The following LUZP1 variants were observed in gnomAD, a reference collection of about 807,000 sequenced individuals.
LUZP1 encodes leucine zipper protein 1, also known as filamin mechanobinding actin cross-linking protein.
LUZP1 carries 25 observed loss-of-function variants against 71.3 expected under a neutral mutation model. The ratio of observed to expected loss-of-function variants is 0.35; its 90% CI spans 0.26 to 0.49. The LOEUF is 0.49. Ranked by LOEUF, LUZP1 falls within the 20% of genes least tolerant of loss-of-function variation. The pLI, the probability that LUZP1 is intolerant of heterozygous loss-of-function variation, is 0.99. For missense variants in LUZP1, 1,142 were observed against 1,300.8 expected, an observed-to-expected ratio of 0.88 and a Z score of 1.88; for synonymous variants, 481 against 506.4, an observed-to-expected ratio of 0.95 and a Z score of 0.67.
exon 5 of LUZP1, chr1:23,088,668 A>G (rs530892592): frequency 1.6e-5 from 8 of 491,180 alleles, no homozygotes; most frequent in African/African-American, 1.4e-4. Flanking sequence ...GAGAGAGAGG[A>G]CTCGTGCATT....
At chr1:23,153,107 C>T (rs753482331) in intron 2 of LUZP1, among the ~76,000 whole-genome samples, 2 of 152,126 alleles carry the variant, frequency 1.3e-5, no homozygotes, top group Non-Finnish European at 2.9e-5. Context: ...TTCAATGATT[C>T]CCAAATGTTA....
chr1:23,169,490 A>G (rs1644537993), intron 1 of LUZP1, among the ~76,000 whole-genome samples: 1 of 152,132 alleles, frequency 6.6e-6, no homozygotes, highest in African/African-American at 2.4e-5. Flanking sequence ...CAGAGAAGGA[A>G]CTCAGCTCAG....
chr1:23,102,466 G>A (rs942821649), intron 3 of LUZP1, among the ~76,000 whole-genome samples: 3 of 151,994 alleles, frequency 2.0e-5, no homozygotes, highest in African/African-American at 7.3e-5. Context: ...AAGAGGGGTC[G>A]GCAAACTTTT....
Position 23,146,487 on chromosome 1 carries a change from T to C in LUZP1, c.-226+22279A>G, listed in dbSNP as rs1324358287. On this transcript the variant is annotated intron_variant, in intron 2 of 4. Coordinates refer to ENST00000302291, the Ensembl canonical transcript of LUZP1. The stretch of plus-strand genomic sequence containing the variant: ...TCATGTGTAAAATAGGGATAATACC[T>C]ATCACACAGAATTTAAGAACTAAAT... 2.0e-5 allele frequency among the ~76,000 whole-genome samples: 3 copies of C among 152,164 alleles called. No individual in the cohort carries two copies. In the East Asian group the frequency reaches 5.8e-4, roughly 29 times the overall value.
intron 2 of LUZP1, among the ~76,000 whole-genome samples, chr1:23,129,990 T>C (rs1644201423): frequency 6.6e-6 from 1 of 152,208 alleles, no homozygotes; most frequent in Admixed American, 6.5e-5. Flanking sequence ...TTATCCACAA[T>C]AACTACAGAT....
At chr1:23,165,058 T>G (rs1247128901) in intron 2 of LUZP1, among the ~76,000 whole-genome samples, 2 of 152,242 alleles carry the variant, frequency 1.3e-5, no homozygotes, top group East Asian at 1.9e-4. Flanking sequence ...CCAATAAATG[T>G]CTCTCCTTAT....
Position 23,094,196 on chromosome 1 carries a change from ACT to A in LUZP1, c.64_65del (p.Leu23LysfsTer5). 1 of 1,613,760 alleles carries A rather than the reference ACT, an allele frequency of 6.2e-7. No homozygotes were observed. Among genetic ancestry groups the A allele is most frequent in the Non-Finnish European group, 8.5e-7 (1 of 1,179,956 alleles). On this transcript the variant is annotated frameshift_variant, in exon 4 of 5. Transcript: ENST00000302291. LOFTEE classifies it high-confidence loss of function. The surrounding 1 kb of genome is among the most constrained non-coding windows in gnomAD (Gnocchi z 4.7). ...CCAACTCATCAAGGCGGCGGCTTAG[ACT>A]CTGTAGCTTAAACCGCAAGTGGCGG...
intron 4 of LUZP1, among the ~76,000 whole-genome samples, chr1:23,089,627 C>G (rs1458353326): frequency 1.3e-5 from 2 of 152,016 alleles, no homozygotes; most frequent in Non-Finnish European, 2.9e-5. Flanking sequence ...AAGTCTCGCA[C>G]TGTCTCCCGG....
chr1:23,091,363 T>C (rs1441976947), exon 4 of LUZP1: 1 of 1,614,088 alleles, frequency 6.2e-7, no homozygotes, highest in Non-Finnish European at 8.5e-7. Flanking sequence ...AGGCAGGACC[T>C]GGGCTGTTCG....
At position 23,121,880 on chromosome 1, in the gene LUZP1, C is replaced by T. The variant is rs570249798; in HGVS notation, c.-225-12753G>A. ...TACAAAAATTAACTGGGTGTGGTGGCGCACGCCTGTAATCTCAGTTACTCA... is the reference window on the plus strand; with the variant it reads ...TACAAAAATTAACTGGGTGTGGTGGTGCACGCCTGTAATCTCAGTTACTCA... On this transcript the variant is annotated intron_variant, in intron 2 of 4. Coordinates refer to ENST00000302291, the Ensembl canonical transcript of LUZP1. Among the ~76,000 whole-genome samples the T allele has an allele frequency of 9.9e-5, 15 of 152,194 alleles. No homozygotes were observed. In the South Asian group the frequency reaches 1.9e-3, roughly 19 times the overall value.
downstream of LUZP1, chr1:23,083,950 G>A (rs1643707529): frequency 6.6e-6 from 1 of 151,184 alleles, no homozygotes; most frequent in South Asian, 2.1e-4. Context: ...GTGTGGTGGT[G>A]TGCCAAGAAC....
rs575883667 is a variant in LUZP1, at chr1:23,100,258, G to A, written c.-119-5878C>T. On this transcript the variant is annotated intron_variant, in intron 3 of 4. Transcript: ENST00000302291. Reference sequence around the variant, plus strand: ...CCTCCTAATTATCAAATAGCTTGTCGGCCCTTTGGCAATGACCATTAACAG... The same window carrying A: ...CCTCCTAATTATCAAATAGCTTGTCAGCCCTTTGGCAATGACCATTAACAG... 8.6e-4 allele frequency among the ~76,000 whole-genome samples: 131 copies of A among 152,240 alleles called. 2 individuals carry two copies. The highest frequency in any genetic ancestry group is 7.7e-3 in the Admixed American group (117 of 15,294).
At chr1:23,115,625 C>A (rs1350966856) in intron 2 of LUZP1, among the ~76,000 whole-genome samples, 1 of 152,154 alleles carries the variant, frequency 6.6e-6, no homozygotes, top group Non-Finnish European at 1.5e-5. Flanking sequence ...ACTGCAACCT[C>A]CGCCTCCCGG....
intron 2 of LUZP1, among the ~76,000 whole-genome samples, chr1:23,126,249 C>T (rs11809418): frequency 0.025 from 3,787 of 151,982 alleles, 151 homozygotes; most frequent in African/African-American, 0.085. Context: ...AGTCAGTGCT[C>T]TCTCAACTCA....
At chr1:23,171,047 G>A (rs1644549536) in intron 1 of LUZP1, among the ~76,000 whole-genome samples, 1 of 149,868 alleles carries the variant, frequency 6.7e-6, no homozygotes, top group African/African-American at 2.5e-5. Context: ...CCATGATAAT[G>A]CCACCGCACT....
intron 2 of LUZP1, among the ~76,000 whole-genome samples, chr1:23,152,471 T>C (rs1393700123): frequency 6.6e-6 from 1 of 152,170 alleles, no homozygotes; most frequent in Admixed American, 6.6e-5. Flanking sequence ...AGAGAGGCTA[T>C]GTCTTGTACC....
intron 2 of LUZP1, among the ~76,000 whole-genome samples, chr1:23,122,351 CAA>C (rs1644136839): frequency 6.6e-6 from 1 of 152,216 alleles, no homozygotes; most frequent in African/African-American, 2.4e-5. Context: ...TAGGGTACCA[CAA>C]GTGAACACTC....
chr1:23,159,792 C>G (rs1019190777), intron 2 of LUZP1, among the ~76,000 whole-genome samples: 1 of 152,182 alleles, frequency 6.6e-6, no homozygotes, highest in Admixed American at 6.5e-5. Flanking sequence ...CGAGACCAGC[C>G]TGGCCAACAT....
At chr1:23,083,720 T>TA (rs1436123542), downstream of LUZP1, 1 of 169,818 alleles carries the variant, frequency 5.9e-6, no homozygotes, top group Non-Finnish European at 1.3e-5. Context: ...GAGTTGGAGT[T>TA]ACATACAAGA....
Sources: gnomAD v4.1 joint callset for allele counts (sites outside exome capture counted in the v4.1 genomes callset) on GRCh38, gnomAD v4.1.1 for gene constraint, Gnocchi (gnomAD v3.1) non-coding constraint, MANE v1.5 for transcripts, NCBI Gene and HGNC (gene_info 2026-07-23, HGNC 2026-07-21) for gene names.